Variants in DPH6 observed in about 807,000 individuals in gnomAD.
DPH6 encodes diphthine--ammonia ligase.
DPH6 carries 33 observed loss-of-function variants against 38.2 expected under a neutral mutation model. That is an observed-to-expected ratio of 0.86 (90% confidence interval 0.65 to 1.15). DPH6 has a LOEUF of 1.15. Ranked by LOEUF, DPH6 falls within the 50% of genes most tolerant of loss-of-function variation. DPH6 has a pLI of 0.00. For synonymous variants in DPH6, 108 were observed against 103.0 expected, an observed-to-expected ratio of 1.05 and a Z score of -0.30; for missense variants, 325 against 320.0, an observed-to-expected ratio of 1.02 and a Z score of -0.12.
intron 3 of DPH6, chr15:35,521,457 C>T: frequency 8.5e-7 from 1 of 1,182,404 alleles, no homozygotes; most frequent in Non-Finnish European, 1.0e-6. Flanking sequence ...AGGCTGATTG[C>T]TTTTCATTGA....
chr15:35,214,005 G>A (rs887210016), downstream of DPH6, among the ~76,000 whole-genome samples: 1 of 151,962 alleles, frequency 6.6e-6, no homozygotes, highest in Non-Finnish European at 1.5e-5. Flanking sequence ...CCAGCTACTC[G>A]CGAGGCTGAG....
the DPH6 span, among the ~76,000 whole-genome samples, chr15:35,147,073 T>A: frequency 5.9e-5 from 9 of 152,216 alleles, no homozygotes; most frequent in East Asian, 1.7e-3. Context: ...ATTATTGCCA[T>A]CAAGCAAGCA....
intron 6 of DPH6, among the ~76,000 whole-genome samples, chr15:35,391,558 A>T (rs1347711225): frequency 6.6e-6 from 1 of 152,088 alleles, no homozygotes; most frequent in Non-Finnish European, 1.5e-5. Context: ...CCCCTCCCCC[A>T]GCCTTGCTGC....
chr15:35,261,479 G>C (rs2051745947), intron 3 of DPH6, among the ~76,000 whole-genome samples: 1 of 152,048 alleles, frequency 6.6e-6, no homozygotes, highest in Non-Finnish European at 1.5e-5. Context: ...TGGTAGAAGT[G>C]CTTAGGTTAA....
intron 5 of DPH6, among the ~76,000 whole-genome samples, chr15:35,443,546 G>GCC (rs1337993664): frequency 1.3e-5 from 2 of 152,164 alleles, no homozygotes; most frequent in African/African-American, 4.8e-5. Context: ...TAAAGGGAAG[G>GCC]ATATGTGCTT....
chr15:35,381,764 G>T, intron 7 of DPH6, 58 bp downstream of exon 7: 1 of 1,412,342 alleles, frequency 7.1e-7, no homozygotes, highest in Non-Finnish European at 1.0e-6. Flanking sequence ...TTAATGTTCA[G>T]TTGCTTCCAT....
downstream of DPH6, among the ~76,000 whole-genome samples, chr15:35,214,091 G>A (rs1045722698): frequency 2.7e-5 from 4 of 148,200 alleles, no homozygotes; most frequent in East Asian, 2.0e-4. Flanking sequence ...CAGCCTGGGC[G>A]ACAGAGCGAG....
At chr15:35,404,282 T>C (rs1207606114) in intron 6 of DPH6, among the ~76,000 whole-genome samples, 1 of 152,126 alleles carries the variant, frequency 6.6e-6, no homozygotes, top group Non-Finnish European at 1.5e-5. Context: ...CTCTATTTTT[T>C]AGTTTTTTGA....
rs569765321 is a variant in DPH6 at position 35,451,997 on chromosome 15, G to C, written c.387-1194C>G. Among the ~76,000 whole-genome samples the C allele has an allele frequency of 1.2e-3, 190 of 152,234 alleles. 1 individual carries two copies. The highest frequency in any genetic ancestry group is 4.3e-3 in the African/African-American group (180 of 41,546). On this transcript the variant is annotated intron_variant, in intron 4 of 8. Coordinates refer to ENST00000256538, the MANE Select transcript of DPH6 (RefSeq NM_080650.4). ...TGCACTCCAGCCTGGGCGACAGAGC[G>C]AGACTCTGTCTCAAAAAACAAACAA...
chr15:35,260,486 TTAAA>T (rs1013348388), intron 3 of DPH6, among the ~76,000 whole-genome samples: 3 of 150,596 alleles, frequency 2.0e-5, no homozygotes, highest in African/African-American at 7.3e-5. Context: ...TAATGTTAAA[TTAAA>T]TAATTTATTA....
At chr15:35,244,678 C>T (rs318338) in intron 3 of DPH6, among the ~76,000 whole-genome samples, 83,862 of 152,018 alleles carry the variant, frequency 0.55, 26,699 homozygotes, top group Non-Finnish European at 0.73. Context: ...GTTTCTTTTA[C>T]TCTGATTAAT....
At chr15:35,180,392 AACACACACACACACACACACACAC>A in the DPH6 span, among the ~76,000 whole-genome samples, 29,076 of 140,564 alleles carry the variant, frequency 0.21, 3,371 homozygotes, top group East Asian at 0.38. Context: ...TTGGTTTTAA[AACACACACACACACACACACACAC>A]ACACACACAC....
intron 3 of DPH6, among the ~76,000 whole-genome samples, chr15:35,309,175 A>G (rs543437406): frequency 2.2e-4 from 34 of 152,330 alleles, no homozygotes; most frequent in South Asian, 8.3e-4. Flanking sequence ...CTGGCTCCTA[A>G]AAGATTCATT....
At chr15:35,447,308 A>G (rs2053867186) in intron 5 of DPH6, among the ~76,000 whole-genome samples, 3 of 152,138 alleles carry the variant, frequency 2.0e-5, no homozygotes, top group Admixed American at 6.5e-5. Context: ...GTAGCTTGGT[A>G]TTTACCACGG....
chr15:35,507,765 A>C (rs981226571), intron 3 of DPH6, among the ~76,000 whole-genome samples: 107 of 152,166 alleles, frequency 7.0e-4, no homozygotes, highest in African/African-American at 2.5e-3. Context: ...TTCTCTCTGG[A>C]GGTTAGACTG....
At chr15:35,461,212 T>C (rs746257673) in intron 3 of DPH6, among the ~76,000 whole-genome samples, 6 of 152,152 alleles carry the variant, frequency 3.9e-5, no homozygotes, top group Non-Finnish European at 7.4e-5. Flanking sequence ...AGCCTTCGAA[T>C]AGCTGGGACT....
At chr15:35,245,046 C>T (rs1566848852) in intron 3 of DPH6, among the ~76,000 whole-genome samples, 2 of 151,964 alleles carry the variant, frequency 1.3e-5, no homozygotes, top group Non-Finnish European at 2.9e-5. Flanking sequence ...TAGGGGGAGG[C>T]TATTCATGCT....
the DPH6 span, among the ~76,000 whole-genome samples, chr15:35,202,699 C>T: frequency 6.6e-6 from 1 of 151,772 alleles, no homozygotes; most frequent in African/African-American, 2.4e-5. Flanking sequence ...TTCTTTTGTA[C>T]AGCATCGTTC....
At chr15:35,541,221 C>T (rs1036326332) in intron 2 of DPH6, among the ~76,000 whole-genome samples, 3 of 152,050 alleles carry the variant, frequency 2.0e-5, no homozygotes, top group Non-Finnish European at 4.4e-5. Context: ...TCTTTCCACA[C>T]GACATCCAGC....
Sources: gnomAD v4.1 joint callset for allele counts (sites outside exome capture counted in the v4.1 genomes callset) on GRCh38, gnomAD v4.1.1 for gene constraint, MANE v1.5 for transcripts, NCBI Gene and HGNC (gene_info 2026-07-23, HGNC 2026-07-21) for gene names.